The following ALK variants were observed in gnomAD, a reference collection of about 807,000 sequenced individuals.
ALK encodes ALK tyrosine kinase receptor.
ALK carries 74 observed loss-of-function variants against 163.1 expected under a neutral mutation model. The observed-to-expected ratio is 0.45, with a 90% confidence interval of 0.38 to 0.55. The LOEUF (loss-of-function observed/expected upper bound fraction) is 0.55. Among genes scored for constraint, ALK ranks in the 20% least tolerant of loss-of-function variants. The pLI, the probability that ALK is intolerant of heterozygous loss-of-function variation, is 0.00. For synonymous variants in ALK, 960 were observed against 843.2 expected (o/e 1.14, Z -2.40); for missense variants, 2,063 against 2,105.3 (o/e 0.98, Z 0.39).
chr2:29,571,355 G>C (rs529585741), intron 3 of ALK, among the ~76,000 whole-genome samples: 79 of 152,264 alleles, frequency 5.2e-4, no homozygotes, highest in Non-Finnish European at 9.7e-4. Context: ...CAATCCCCAC[G>C]TGTCAAGGGA....
At chr2:29,381,702 C>A (rs1668900798) in intron 5 of ALK, among the ~76,000 whole-genome samples, 1 of 152,208 alleles carries the variant, frequency 6.6e-6, no homozygotes, top group Non-Finnish European at 1.5e-5. Flanking sequence ...CACCATTTTT[C>A]TCCTTTTATC....
At chr2:29,522,212 G>A (rs1166115706) in intron 4 of ALK, among the ~76,000 whole-genome samples, 2 of 152,134 alleles carry the variant, frequency 1.3e-5, no homozygotes, top group Admixed American at 6.5e-5. Flanking sequence ...CTTACAAGCT[G>A]TGCAACTCTA....
intron 1 of ALK, among the ~76,000 whole-genome samples, chr2:29,821,335 C>T (rs1665042178): frequency 6.6e-6 from 1 of 152,014 alleles, no homozygotes; most frequent in African/African-American, 2.4e-5. Flanking sequence ...TTTTACTCTC[C>T]TCTGCCCTCT....
intron 26 of ALK, among the ~76,000 whole-genome samples, chr2:29,206,856 T>C (rs1669324488): frequency 7.8e-6 from 1 of 129,032 alleles, no homozygotes; most frequent in Admixed American, 8.2e-5. Flanking sequence ...AAATTACATG[T>C]GGCTGTTAAT....
At chr2:29,670,815 T>C (rs576010775) in intron 3 of ALK, among the ~76,000 whole-genome samples, 2 of 152,208 alleles carry the variant, frequency 1.3e-5, no homozygotes, top group Non-Finnish European at 2.9e-5. Flanking sequence ...CTTCAGCAAA[T>C]GTATTTCTCA....
chr2:29,595,126 A>C (rs187322796), intron 3 of ALK, among the ~76,000 whole-genome samples: 1 of 152,280 alleles, frequency 6.6e-6, no homozygotes, highest in East Asian at 1.9e-4. Context: ...GAATATTTGA[A>C]TATTTGCATT....
chr2:29,671,003 C>T (rs886238884), intron 3 of ALK, among the ~76,000 whole-genome samples: 1 of 152,002 alleles, frequency 6.6e-6, no homozygotes, highest in African/African-American at 2.4e-5. Flanking sequence ...GGGTCAGTCA[C>T]TGTATTGTTG....
At chr2:29,618,482 T>C (rs946557667) in intron 3 of ALK, among the ~76,000 whole-genome samples, 4 of 151,866 alleles carry the variant, frequency 2.6e-5, no homozygotes, top group African/African-American at 7.3e-5. Context: ...TCCATTTCAA[T>C]GTCACTCTGT....
chr2:29,226,973 A>G lies in ALK; in HGVS notation c.3016T>C (p.Cys1006Arg). 1.2e-6 allele frequency: 2 copies of G among 1,614,234 alleles called. No individual in the cohort carries two copies. The highest frequency in any genetic ancestry group is 1.7e-6 in the Non-Finnish European group (2 of 1,180,034). The change falls in exon 18 of 29, where the codon TGC (cysteine) becomes CGC (arginine). Residue 1006 changes from cysteine (C) to arginine (R), a missense_variant. Physicochemically the swap from Cys to Arg is radical, Grantham distance 180. Around this residue, in one of 5 missense-constraint regions of ALK, gnomAD observed 575 missense variants for 626.6 expected, o/e 0.92. Transcript: ENST00000389048. ...HMDPESHKVICFCDHGTVLAE... is the reference protein window; with the variant it reads ...HMDPESHKVIRFCDHGTVLAE... ...AGCACCGTCCCGTGGTCACAGAAGC[A>G]GATGACCTTGTGGCTTTCAGGGTCC... is the stretch of plus-strand genomic sequence containing the variant.
intron 4 of ALK, among the ~76,000 whole-genome samples, chr2:29,518,195 A>T (rs1411244886): frequency 6.6e-6 from 1 of 152,208 alleles, no homozygotes; most frequent in East Asian, 1.9e-4. Flanking sequence ...CACTTAAGAC[A>T]ACAGTGCAGC....
At chr2:29,756,601 C>T (rs1001512937) in intron 1 of ALK, among the ~76,000 whole-genome samples, 14 of 149,554 alleles carry the variant, frequency 9.4e-5, no homozygotes, top group African/African-American at 3.0e-4. Context: ...GGCACGATCT[C>T]GGCTCACTGC....
chr2:29,835,638 C>A (rs1421947659), intron 1 of ALK, among the ~76,000 whole-genome samples: 2 of 152,190 alleles, frequency 1.3e-5, no homozygotes, highest in Non-Finnish European at 2.9e-5. Flanking sequence ...CAAATCTCAT[C>A]TTGAATGGTA....
chr2:29,240,158 G>C (rs1047138936), intron 12 of ALK, among the ~76,000 whole-genome samples: 8 of 134,830 alleles, frequency 5.9e-5, no homozygotes, highest in Admixed American at 3.5e-4. Flanking sequence ...ACAGCAGAGA[G>C]AGAGAGAGAG....
chr2:29,602,455 G>A (rs1298626026), intron 3 of ALK, among the ~76,000 whole-genome samples: 1 of 152,160 alleles, frequency 6.6e-6, no homozygotes, highest in East Asian at 1.9e-4. Context: ...AAGAGGCTTG[G>A]AGTCCCACCA....
At chr2:29,280,699 G>T (rs1219023947) in intron 9 of ALK, among the ~76,000 whole-genome samples, 3 of 150,026 alleles carry the variant, frequency 2.0e-5, no homozygotes, top group Non-Finnish European at 4.4e-5. Flanking sequence ...GTACCAGGTG[G>T]TCCATTCTGG....
intron 4 of ALK, among the ~76,000 whole-genome samples, chr2:29,417,178 C>T (rs887644918): frequency 2.6e-5 from 4 of 151,798 alleles, no homozygotes; most frequent in East Asian, 1.9e-4. Flanking sequence ...TTAGTAGAAA[C>T]GGGATTTCAC....
At chr2:29,520,036 A>C (rs2148147889) in intron 4 of ALK, among the ~76,000 whole-genome samples, 1 of 152,348 alleles carries the variant, frequency 6.6e-6, no homozygotes, top group East Asian at 1.9e-4. Context: ...AAAATTACTA[A>C]GTAGAAGTCC....
intron 3 of ALK, among the ~76,000 whole-genome samples, chr2:29,621,537 C>G (rs963107841): frequency 6.6e-6 from 1 of 152,162 alleles, no homozygotes; most frequent in Non-Finnish European, 1.5e-5. Context: ...GGAGGCAATC[C>G]TAGGGCTGAA....
At chr2:29,710,136 T>C (rs1679033594) in intron 2 of ALK, among the ~76,000 whole-genome samples, 1 of 152,190 alleles carries the variant, frequency 6.6e-6, no homozygotes, top group Non-Finnish European at 1.5e-5. Context: ...GGAGTTCCCC[T>C]GCACATGCTC....
Sources: gnomAD v4.1 joint callset for allele counts (sites outside exome capture counted in the v4.1 genomes callset) on GRCh38, gnomAD v4.1.1 for gene constraint, gnomAD v4.1.1 regional missense constraint, MANE v1.5 for transcripts, NCBI Gene and HGNC (gene_info 2026-07-23, HGNC 2026-07-21) for gene names.